Variants in ASIC2 observed in about 807,000 individuals in gnomAD.
ASIC2 encodes acid sensing ion channel subunit 2, also known as acid-sensing ion channel 2.
A neutral mutation model predicts 57.3 loss-of-function variants in ASIC2; 25 were observed. That is an observed-to-expected ratio of 0.44 (90% CI 0.32 to 0.61). ASIC2 has a LOEUF of 0.61. Ranked by LOEUF, ASIC2 falls within the 20% of genes least tolerant of loss-of-function variation. The pLI is 0.06. For missense variants in ASIC2, 641 were observed against 738.1 expected (o/e 0.87, Z 1.52); for synonymous variants, 319 against 307.5 (o/e 1.04, Z -0.39).
chr17:33,187,237 G>A (rs1029730079), intron 1 of ASIC2, among the ~76,000 whole-genome samples: 2 of 152,132 alleles, frequency 1.3e-5, no homozygotes, highest in African/African-American at 2.4e-5. Context: ...ACCACATGTC[G>A]AACAACCAAC....
chr17:33,799,952 AAC>A (rs1351486386), intron 1 of ASIC2, among the ~76,000 whole-genome samples: 1 of 152,096 alleles, frequency 6.6e-6, no homozygotes, highest in Non-Finnish European at 1.5e-5. Flanking sequence ...GCATTGAATA[AAC>A]AGTTTCTGTT....
At chr17:33,803,305 T>C (rs780701207) in intron 1 of ASIC2, among the ~76,000 whole-genome samples, 2 of 150,550 alleles carry the variant, frequency 1.3e-5, no homozygotes, top group Non-Finnish European at 2.9e-5. Context: ...TTTAAATGCA[T>C]AAGGAAGGCC....
intron 1 of ASIC2, among the ~76,000 whole-genome samples, chr17:33,120,512 A>T (rs2092297820): frequency 6.6e-6 from 1 of 152,206 alleles, no homozygotes; most frequent in African/African-American, 2.4e-5. Flanking sequence ...GGAAGGCTGA[A>T]GGCACTGCAG....
At chr17:33,735,943 G>T (rs1259976646) in intron 1 of ASIC2, among the ~76,000 whole-genome samples, 1 of 152,088 alleles carries the variant, frequency 6.6e-6, no homozygotes, top group African/African-American at 2.4e-5. Flanking sequence ...ATGAATGAGT[G>T]AGTGAATAAA....
chr17:33,317,763 C>T (rs754138794), intron 1 of ASIC2, among the ~76,000 whole-genome samples: 19 of 151,998 alleles, frequency 1.3e-4, no homozygotes, highest in Non-Finnish European at 2.6e-4. Flanking sequence ...GAGAAGATAC[C>T]ACAGGCTCTC....
At chr17:34,088,421 C>G (rs2142085238) in intron 1 of ASIC2, among the ~76,000 whole-genome samples, 1 of 152,274 alleles carries the variant, frequency 6.6e-6, no homozygotes, top group Non-Finnish European at 1.5e-5. Flanking sequence ...CAGAGGAGTA[C>G]CCGGCCGTGT....
chr17:33,719,599 G>C (rs1345683007), intron 1 of ASIC2, among the ~76,000 whole-genome samples: 1 of 152,238 alleles, frequency 6.6e-6, no homozygotes, highest in African/African-American at 2.4e-5. Flanking sequence ...TGTCAGCAAC[G>C]TGAGAGGTGG....
intron 1 of ASIC2, among the ~76,000 whole-genome samples, chr17:33,344,784 G>C (rs890498125): frequency 6.6e-6 from 1 of 152,110 alleles, no homozygotes; most frequent in African/African-American, 2.4e-5. Context: ...GCATCTGGGA[G>C]ACAGGCCACT....
At chr17:33,255,584 G>C (rs947338840) in intron 1 of ASIC2, among the ~76,000 whole-genome samples, 5 of 143,342 alleles carry the variant, frequency 3.5e-5, no homozygotes, top group Non-Finnish European at 7.6e-5. Context: ...ATCAAGAGGA[G>C]GGGGGATCGG....
intron 1 of ASIC2, among the ~76,000 whole-genome samples, chr17:34,127,854 G>A (rs1382098246): frequency 6.6e-6 from 1 of 152,166 alleles, no homozygotes; most frequent in Admixed American, 6.5e-5. Flanking sequence ...GACTGGCACT[G>A]GCTCAGAGCC....
chr17:33,424,348 C>T (rs544707067), intron 1 of ASIC2, among the ~76,000 whole-genome samples: 1 of 152,278 alleles, frequency 6.6e-6, no homozygotes, highest in Admixed American at 6.5e-5. Context: ...TTTGTCTGCA[C>T]CACTGTCTGG....
intron 1 of ASIC2, among the ~76,000 whole-genome samples, chr17:33,282,886 C>A (rs1905014673): frequency 6.6e-6 from 1 of 152,204 alleles, no homozygotes; most frequent in African/African-American, 2.4e-5. Context: ...CCAGATAACC[C>A]AGGATATTCT....
chr17:33,642,183 G>A (rs886454220), intron 1 of ASIC2, among the ~76,000 whole-genome samples: 6 of 137,002 alleles, frequency 4.4e-5, no homozygotes, highest in South Asian at 2.6e-4. Context: ...ACTATAACTC[G>A]CACTCTAGGG....
chr17:33,793,273 A>G (rs573227583), intron 1 of ASIC2, among the ~76,000 whole-genome samples: 1 of 152,362 alleles, frequency 6.6e-6, no homozygotes, highest in East Asian at 1.9e-4. Flanking sequence ...TGTAAAAATG[A>G]CAAATACTTG....
chr17:33,140,892 G>A (rs1374476973), intron 1 of ASIC2, among the ~76,000 whole-genome samples: 1 of 152,224 alleles, frequency 6.6e-6, no homozygotes, highest in African/African-American at 2.4e-5. Context: ...CATTCCATCC[G>A]GGCCACAAGG....
chr17:33,558,929 G>T (rs9916462), intron 1 of ASIC2, among the ~76,000 whole-genome samples: 1 of 151,916 alleles, frequency 6.6e-6, no homozygotes, highest in African/African-American at 2.4e-5. Flanking sequence ...CACCACGCCC[G>T]ATTAAGTTTT....
At chr17:33,791,224 G>A (rs1253156950) in intron 1 of ASIC2, among the ~76,000 whole-genome samples, 1 of 152,198 alleles carries the variant, frequency 6.6e-6, no homozygotes, top group Admixed American at 6.5e-5. Flanking sequence ...TGTGGGTGAG[G>A]TAGGCAGGCA....
intron 1 of ASIC2, among the ~76,000 whole-genome samples, chr17:33,773,725 A>T (rs1318352158): frequency 6.7e-6 from 1 of 149,034 alleles, no homozygotes; most frequent in Non-Finnish European, 1.5e-5. Context: ...TGCAATCATG[A>T]CTCACTGCAG....
At chr17:33,720,085 T>C (rs1214568802) in intron 1 of ASIC2, among the ~76,000 whole-genome samples, 4 of 152,160 alleles carry the variant, frequency 2.6e-5, no homozygotes, top group Admixed American at 2.6e-4. Context: ...AGTCTTATTA[T>C]CTTGCCAAGG....
Sources: gnomAD v4.1 joint callset for allele counts (sites outside exome capture counted in the v4.1 genomes callset) on GRCh38, gnomAD v4.1.1 for gene constraint, MANE v1.5 for transcripts, NCBI Gene and HGNC (gene_info 2026-07-23, HGNC 2026-07-21) for gene names.